The following LIPA variants were observed in gnomAD, a reference collection of about 807,000 sequenced individuals.
LIPA encodes the protein lysosomal acid lipase/cholesteryl ester hydrolase.
LIPA carries 26 observed loss-of-function variants against 40.6 expected under a neutral mutation model. That is an observed-to-expected ratio of 0.64 (90% CI 0.47 to 0.89). The LOEUF is 0.89. Ranked by LOEUF, LIPA falls within the 40% of genes least tolerant of loss-of-function variation. The pLI, the probability that LIPA is intolerant of heterozygous loss-of-function variation, is 0.00. For missense variants in LIPA, 455 were observed against 479.6 expected, an observed-to-expected ratio of 0.95 and a Z score of 0.48; for synonymous variants, 188 against 168.4, an observed-to-expected ratio of 1.12 and a Z score of -0.90.
rs756878837 is a variant in LIPA, at chr10:89,225,151, C to G, written c.616G>C (p.Val206Leu). The G allele has an allele frequency of 5.6e-6, 9 of 1,614,096 alleles. No individual in the cohort carries two copies. The highest frequency in any genetic ancestry group is 7.6e-6 in the Non-Finnish European group (9 of 1,179,984). Residue 206 changes from valine (V) to leucine (L), a missense_variant, in exon 6 of 10, where the codon GTC (valine) becomes CTC (leucine). By Grantham distance (32) the Val-to-Leu change is conservative. Transcript: ENST00000336233. ...GCCATAGGGCTAGTACAGAAGGCGACGGAAGCCACAGGACCCAGGGCAAAA... is the reference window on the plus strand; with the variant it reads ...GCCATAGGGCTAGTACAGAAGGCGAGGGAAGCCACAGGACCCAGGGCAAAA... ...MFFALGPVAS[V>L]AFCTSPMAKL...
At chr10:89,264,547 G>T (rs1378876530) in intron 1 of LIPA, among the ~76,000 whole-genome samples, 14 of 152,146 alleles carry the variant, frequency 9.2e-5, no homozygotes, top group Non-Finnish European at 2.1e-4. Context: ...AACCTGGAGT[G>T]GGTAGCTTCT....
At chr10:89,282,198 T>C (rs1843319423) in intron 1 of LIPA, among the ~76,000 whole-genome samples, 1 of 152,246 alleles carries the variant, frequency 6.6e-6, no homozygotes, top group African/African-American at 2.4e-5. Flanking sequence ...AGAAAGGTCC[T>C]GGAAGGATCA....
rs116999839 is a variant in LIPA, at chr10:89,241,851, G to A, written c.229+3825C>T. Among the ~76,000 whole-genome samples the A allele has an allele frequency of 9.8e-4, 149 of 152,164 alleles. 2 individuals are homozygous for A. The East Asian group carries it at 0.02, about 21-fold the overall frequency. ...TTGTGCCTATCATGGCATCAACTTG[G>A]TTAATATTTATTATGTAAGGCCACA... is the stretch of plus-strand genomic sequence containing the variant. On this transcript the variant is annotated intron_variant, in intron 3 of 9. Coordinates refer to ENST00000336233, the MANE Select transcript of LIPA (RefSeq NM_000235.4).
At chr10:89,353,766 C>T (rs1843972810) in intron 2 of LIPA, among the ~76,000 whole-genome samples, 1 of 152,008 alleles carries the variant, frequency 6.6e-6, no homozygotes, top group African/African-American at 2.4e-5. Context: ...TGGTGAAAAC[C>T]CGTCTCTACT....
chr10:89,221,993 AT>A (rs1328100124), intron 8 of LIPA, among the ~76,000 whole-genome samples: 1 of 152,198 alleles, frequency 6.6e-6, no homozygotes, highest in Non-Finnish European at 1.5e-5. Context: ...TCAAAACTGT[AT>A]TTCAAAAGTC....
chr10:89,401,566 G>A lies in LIPA; in HGVS notation c.61+11225C>T, dbSNP rs148769691. 3.3e-3 allele frequency among the ~76,000 whole-genome samples: 495 copies of A among 152,074 alleles called. 5 individuals carry two copies. The highest frequency in any genetic ancestry group is 0.01 in the African/African-American group (433 of 41,500). On this transcript the variant is annotated intron_variant, in intron 2 of 8. Transcript: ENST00000371837. ...AGATGTGGTAGTGAAGAGGAGTTTC[G>A]TTTCTTTATCAAAGTGGTGGTCTCA...
rs543618447 is a variant in LIPA, at chr10:89,313,291, T to A, written c.-2+29320A>T. Reference sequence around the variant, plus strand: ...AGGTATAGACTGAACTGCAACCAATTCAATCTGGTTCCATTTTTCAGTTTA... The same window carrying A: ...AGGTATAGACTGAACTGCAACCAATACAATCTGGTTCCATTTTTCAGTTTA... On this transcript the variant is annotated intron_variant, in intron 1 of 5. Transcript: ENST00000282673. 2.1e-4 allele frequency among the ~76,000 whole-genome samples: 32 copies of A among 152,346 alleles called. 1 individual carries two copies. Among genetic ancestry groups the A allele is most frequent in the African/African-American group, 7.2e-4 (30 of 41,586 alleles).
At chr10:89,345,744 T>A (rs1843915531), upstream of LIPA, among the ~76,000 whole-genome samples, 2 of 152,016 alleles carry the variant, frequency 1.3e-5, no homozygotes, top group Admixed American at 1.3e-4. Flanking sequence ...AAGAAACTAC[T>A]CAGAATGCAG....
intron 1 of LIPA, among the ~76,000 whole-genome samples, chr10:89,293,276 C>A (rs563844045): frequency 6.6e-6 from 1 of 152,132 alleles, no homozygotes; most frequent in South Asian, 2.1e-4. Context: ...CTGAGCCCTC[C>A]CCATGGAACT....
chr10:89,335,113 A>G (rs1589607450), intron 1 of LIPA, among the ~76,000 whole-genome samples: 1 of 152,186 alleles, frequency 6.6e-6, no homozygotes, highest in South Asian at 2.1e-4. Flanking sequence ...GAGATCAAGT[A>G]TCAAATACCT....
At chr10:89,379,760 C>T (rs1027118160) in intron 2 of LIPA, among the ~76,000 whole-genome samples, 1 of 152,108 alleles carries the variant, frequency 6.6e-6, no homozygotes, top group Non-Finnish European at 1.5e-5. Context: ...TGTGGCTGGG[C>T]ATGGTGGCTC....
chr10:89,411,902 A>C (rs147142801), intron 2 of LIPA, among the ~76,000 whole-genome samples: 3 of 152,218 alleles, frequency 2.0e-5, no homozygotes, highest in African/African-American at 7.2e-5. Context: ...GTCCTGTGGC[A>C]GCCATCTTGC....
intron 1 of LIPA, among the ~76,000 whole-genome samples, chr10:89,299,302 TAAAGAAAAAA>T (rs1843432149): frequency 6.8e-6 from 1 of 146,798 alleles, no homozygotes; most frequent in African/African-American, 2.5e-5. Flanking sequence ...AAGACGAAAA[TAAAGAAAAAA>T]AAAGAATTAA....
rs2133567630 is a variant in LIPA, at chr10:89,339,001, TATGTA to T, written c.-2+3605_-2+3609del. 1.9e-6 allele frequency: 3 copies of T among 1,614,198 alleles called. No individual in the cohort carries two copies. The East Asian group carries it at 6.7e-5, about 36-fold the overall frequency. The stretch of plus-strand genomic sequence containing the variant: ...GGGCAGACTCTCAGATGCTCAGATT[TATGTA>T]GATAAGGTGAAACAAACCTGCAAGA... On this transcript the variant is annotated intron_variant, in intron 1 of 5. Coordinates refer to the LIPA transcript ENST00000282673.
chr10:89,349,328 C>CT (rs140932664), intron 2 of LIPA, among the ~76,000 whole-genome samples: 5,870 of 152,258 alleles, frequency 0.039, 373 homozygotes, highest in African/African-American at 0.13. Context: ...CTCCCCTCCC[C>CT]TCTCCTTTAA....
chr10:89,327,915 T>C, intron 1 of LIPA: 1 of 615,324 alleles, frequency 1.6e-6, no homozygotes, highest in Non-Finnish European at 2.9e-6. Context: ...TAAAAGCAAT[T>C]ACTCAAAAAC....
At chr10:89,228,523 TTGACATAG>T in intron 3 of LIPA, 125 bp from the exon 4 acceptor site, 1 of 865,546 alleles carries the variant, frequency 1.2e-6, no homozygotes, top group Non-Finnish European at 1.9e-6. Flanking sequence ...AATTGAAAGA[TTGACATAG>T]TGATGTACTC....
intron 2 of LIPA, among the ~76,000 whole-genome samples, chr10:89,388,679 A>G (rs1235432058): frequency 6.6e-6 from 1 of 152,160 alleles, no homozygotes; most frequent in African/African-American, 2.4e-5. Context: ...CCTGGTTTTA[A>G]TATTGTACTA....
At chr10:89,337,704 G>A (rs760446060) in intron 1 of LIPA, among the ~76,000 whole-genome samples, 9 of 152,170 alleles carry the variant, frequency 5.9e-5, no homozygotes, top group African/African-American at 1.2e-4. Context: ...TGGCTGACTT[G>A]GTAATTGAGC....
Sources: gnomAD v4.1 joint callset for allele counts (sites outside exome capture counted in the v4.1 genomes callset) on GRCh38, gnomAD v4.1.1 for gene constraint, MANE v1.5 for transcripts, NCBI Gene and HGNC (gene_info 2026-07-23, HGNC 2026-07-21) for gene names.